The following TRABD2B variants were observed in gnomAD, a reference collection of about 807,000 sequenced individuals.
TRABD2B encodes TraB domain containing 2B.
A neutral mutation model predicts 40.1 loss-of-function variants in TRABD2B; 14 were observed. That is an observed-to-expected ratio of 0.35 (90% CI 0.23 to 0.55). TRABD2B has a LOEUF of 0.55. TRABD2B is among the 20% of genes least tolerant of loss of function. The pLI, the probability that TRABD2B is intolerant of heterozygous loss-of-function variation, is 0.90. For missense variants in TRABD2B, 541 were observed against 648.6 expected (o/e 0.83, Z 1.80); for synonymous variants, 263 against 277.0 (o/e 0.95, Z 0.50).
intron 2 of TRABD2B, among the ~76,000 whole-genome samples, chr1:47,828,554 A>C (rs1030614357): frequency 6.6e-6 from 1 of 152,206 alleles, no homozygotes; most frequent in South Asian, 2.1e-4. Flanking sequence ...AAGGAAAAAT[A>C]CTCAGCAAAT....
chr1:47,884,532 C>T (rs1357007864), intron 2 of TRABD2B, among the ~76,000 whole-genome samples: 3 of 152,230 alleles, frequency 2.0e-5, no homozygotes, highest in Non-Finnish European at 4.4e-5. Context: ...TGTGTTTCAT[C>T]CTAACTCTTC....
chr1:47,859,703 C>T (rs375130509), intron 2 of TRABD2B, among the ~76,000 whole-genome samples: 83 of 152,306 alleles, frequency 5.4e-4, no homozygotes, highest in African/African-American at 1.8e-3. Flanking sequence ...CACTTCCCCA[C>T]CATCTCCACC....
chr1:47,966,681 G>T (rs1237685953), intron 2 of TRABD2B, among the ~76,000 whole-genome samples: 12 of 152,158 alleles, frequency 7.9e-5, no homozygotes, highest in Admixed American at 7.9e-4. Context: ...GAGGTGGGCA[G>T]ATCACTTGAG....
chr1:47,971,029 G>A (rs1029261175), intron 2 of TRABD2B, among the ~76,000 whole-genome samples: 1 of 152,198 alleles, frequency 6.6e-6, no homozygotes, highest in African/African-American at 2.4e-5. Context: ...AAGAGGCAGA[G>A]AGTGAATATG....
chr1:47,838,188 C>A (rs532201311), intron 2 of TRABD2B, among the ~76,000 whole-genome samples: 6 of 152,232 alleles, frequency 3.9e-5, no homozygotes, highest in African/African-American at 9.6e-5. Flanking sequence ...ACACTGGTTT[C>A]CCTTTGTCAG....
At chr1:47,904,431 G>C (rs1159256397) in intron 2 of TRABD2B, among the ~76,000 whole-genome samples, 2 of 152,200 alleles carry the variant, frequency 1.3e-5, no homozygotes, top group Non-Finnish European at 2.9e-5. Context: ...AACTCTTATA[G>C]GAGCAAATAT....
At chr1:47,981,361 C>A (rs934762410) in intron 2 of TRABD2B, among the ~76,000 whole-genome samples, 1 of 152,210 alleles carries the variant, frequency 6.6e-6, no homozygotes, top group African/African-American at 2.4e-5. Flanking sequence ...GAACAGGGGT[C>A]TGCAGCCAGA....
At chr1:47,850,518 C>T (rs1645533515) in intron 2 of TRABD2B, among the ~76,000 whole-genome samples, 1 of 152,202 alleles carries the variant, frequency 6.6e-6, no homozygotes, top group African/African-American at 2.4e-5. Flanking sequence ...ACCCTAAGGG[C>T]ACATTGCATG....
At chr1:47,840,347 AG>A (rs1240471036) in intron 2 of TRABD2B, among the ~76,000 whole-genome samples, 2 of 152,202 alleles carry the variant, frequency 1.3e-5, no homozygotes, top group Non-Finnish European at 2.9e-5. Context: ...GTGGAGACTG[AG>A]GCCCTCAGAG....
chr1:47,904,810 T>C lies in TRABD2B; in HGVS notation c.666+89224A>G, dbSNP rs558579199. On this transcript the variant is annotated intron_variant, in intron 2 of 6. Coordinates refer to ENST00000606738, the MANE Select transcript of TRABD2B (RefSeq NM_001194986.2). Reference sequence around the variant, plus strand: ...CTGTTCTTCTAATTGAGTTAAGCATTGCCCTCCATATATTACATTCTCACT... The same window carrying C: ...CTGTTCTTCTAATTGAGTTAAGCATCGCCCTCCATATATTACATTCTCACT... Among the ~76,000 whole-genome samples, 5 of 152,370 alleles carry C rather than the reference T, an allele frequency of 3.3e-5. No homozygotes were observed. The East Asian group carries it at 9.7e-4, about 29-fold the overall frequency.
intron 2 of TRABD2B, among the ~76,000 whole-genome samples, chr1:47,983,383 C>T (rs1645869495): frequency 1.3e-5 from 2 of 152,038 alleles, no homozygotes; most frequent in African/African-American, 4.8e-5. Flanking sequence ...TACTGGGTAC[C>T]GGGCTTAATA....
intron 2 of TRABD2B, among the ~76,000 whole-genome samples, chr1:47,958,471 T>A (rs11488214): frequency 7.3e-6 from 1 of 137,416 alleles, no homozygotes; most frequent in Non-Finnish European, 1.6e-5. Context: ...ACCCATCTCA[T>A]GTGCAGAGAC....
intron 2 of TRABD2B, among the ~76,000 whole-genome samples, chr1:47,853,093 C>T (rs1643845025): frequency 6.6e-6 from 1 of 152,172 alleles, no homozygotes; most frequent in Non-Finnish European, 1.5e-5. Flanking sequence ...TGAATGTTGG[C>T]TAAGCAGAGT....
chr1:47,867,247 T>C (rs925769028), intron 2 of TRABD2B, among the ~76,000 whole-genome samples: 1 of 152,172 alleles, frequency 6.6e-6, no homozygotes, highest in African/African-American at 2.4e-5. Flanking sequence ...CATATCTATA[T>C]CTTTTTCTAC....
intron 2 of TRABD2B, among the ~76,000 whole-genome samples, chr1:47,904,098 C>T (rs891799579): frequency 3.9e-5 from 6 of 152,152 alleles, no homozygotes; most frequent in Admixed American, 3.3e-4. Flanking sequence ...ATAAGGCCTG[C>T]AGAAGGAGCT....
chr1:47,808,235 A>G (rs1256710016), intron 2 of TRABD2B, among the ~76,000 whole-genome samples: 4 of 152,204 alleles, frequency 2.6e-5, no homozygotes, highest in African/African-American at 7.2e-5. Flanking sequence ...CTGGATTTCC[A>G]GCCCGCTGGC....
At chr1:47,846,138 A>G (rs976624145) in intron 2 of TRABD2B, among the ~76,000 whole-genome samples, 5 of 152,252 alleles carry the variant, frequency 3.3e-5, no homozygotes, top group Non-Finnish European at 5.9e-5. Context: ...GAAGAAGTTA[A>G]AAAAAGAAAA....
At chr1:47,854,959 G>T (rs563073276) in intron 2 of TRABD2B, among the ~76,000 whole-genome samples, 1 of 152,242 alleles carries the variant, frequency 6.6e-6, no homozygotes, top group East Asian at 1.9e-4. Context: ...TACCACCTCT[G>T]AGCCTATTTC....
chr1:47,911,858 C>G (rs1183835114), intron 2 of TRABD2B, among the ~76,000 whole-genome samples: 2 of 152,172 alleles, frequency 1.3e-5, no homozygotes, highest in Non-Finnish European at 2.9e-5. Flanking sequence ...ATGAAATAAG[C>G]ACAGGGACTT....
Sources: allele counts gnomAD v4.1 joint callset (sites outside exome capture counted in the v4.1 genomes callset), GRCh38; gene constraint gnomAD v4.1.1; transcripts MANE v1.5; gene names NCBI Gene and HGNC (gene_info 2026-07-23, HGNC 2026-07-21).